PPM1D: variants seen among roughly 807,000 people sequenced by gnomAD.
The protein encoded by PPM1D is protein phosphatase 1D.
In PPM1D, 52 loss-of-function variants were observed where a neutral mutation model predicts 58.3. The ratio of observed to expected loss-of-function variants is 0.89; its 90% confidence interval spans 0.71 to 1.12. The LOEUF is 1.12. PPM1D is among the 50% of genes most tolerant of loss of function. PPM1D has a pLI of 0.00. For missense variants in PPM1D, 564 were observed against 777.2 expected (o/e 0.73, Z 3.26); for synonymous variants, 278 against 285.1 (o/e 0.98, Z 0.25).
intron 1 of PPM1D, among the ~76,000 whole-genome samples, chr17:60,613,900 C>T (rs1269038293): frequency 1.5e-5 from 2 of 136,188 alleles, no homozygotes; most frequent in African/African-American, 2.7e-5. Context: ...GCCCCCCCCC[C>T]GCCACCCCCC....
rs116268471 is a variant in PPM1D at position 60,600,219 on chromosome 17, T to C, written c.-196T>C. ...GTGCGCAGGCGCAACTGCCTGGCTC[T>C]GCTCGCTCCGGCGCTCCGGCCCAGC... is the stretch of plus-strand genomic sequence containing the variant. On this transcript the variant is annotated 5_prime_UTR_variant, in exon 1 of 6. Coordinates refer to ENST00000305921, the MANE Select transcript of PPM1D (RefSeq NM_003620.4). The C allele has an allele frequency of 9.9e-3, 11,279 of 1,135,100 alleles. 903 individuals carry two copies. The African/African-American group carries it at 0.16, about 16-fold the overall frequency. The allele number at this position is 1,135,100 out of a possible 1,614,324, so 70.3% of individuals were successfully genotyped here.
intron 3 of PPM1D, among the ~76,000 whole-genome samples, chr17:60,642,117 G>T (rs779857569): frequency 6.6e-6 from 1 of 152,166 alleles, no homozygotes; most frequent in Non-Finnish European, 1.5e-5. Context: ...CCAGTTATTT[G>T]ATATTAGATA....
At position 60,661,138 on chromosome 17, in the gene PPM1D, G is replaced by A. The variant is rs146312606; in HGVS notation, c.1261-1857G>A. On this transcript the variant is annotated intron_variant, in intron 5 of 5. Transcript: ENST00000305921. ...GGAGGCTGAGGCAGGAGAATCCCTT[G>A]AACCTGGGAGGCAGAGGTTGTGGTG... Among the ~76,000 whole-genome samples, 272 of 145,420 alleles carry A rather than the reference G, an allele frequency of 1.9e-3. 1 individual carries two copies. Among genetic ancestry groups the A allele is most frequent in the African/African-American group, 6.8e-3 (262 of 38,424 alleles).
chr17:60,628,188 A>G (rs1398548410), intron 2 of PPM1D, among the ~76,000 whole-genome samples: 1 of 152,242 alleles, frequency 6.6e-6, no homozygotes, highest in Non-Finnish European at 1.5e-5. Context: ...ATAATTTAAA[A>G]AAATTAATGA....
chr17:60,600,819 G>A lies in PPM1D; in HGVS notation c.405G>A (p.Pro135=), dbSNP rs1158574379. The A allele has an allele frequency of 3.7e-6, 6 of 1,612,934 alleles. No homozygotes were observed. The highest frequency in any genetic ancestry group is 5.1e-6 in the Non-Finnish European group (6 of 1,180,014). ...AGAAGGGTTTCACCTCGTCCGAGCCGGCTAAGGTTTGCGCTGCCATCCGCA... is the reference window on the plus strand; with the variant it reads ...AGAAGGGTTTCACCTCGTCCGAGCCAGCTAAGGTTTGCGCTGCCATCCGCA... ...KKQKGFTSSE[P]AKVCAAIRKG... is the part of the protein sequence containing the mutation. Residue 135 remains proline (P), a synonymous_variant, in exon 1 of 6, where the codon CCG becomes CCA. Transcript: ENST00000305921.
chr17:60,630,997 T>G (rs1024144513), intron 2 of PPM1D, among the ~76,000 whole-genome samples: 1 of 152,250 alleles, frequency 6.6e-6, no homozygotes, highest in Non-Finnish European at 1.5e-5. Context: ...AATGAATGCC[T>G]TTGATATTTT....
At chr17:60,631,933 C>T (rs1290447151) in intron 2 of PPM1D, among the ~76,000 whole-genome samples, 28 of 152,050 alleles carry the variant, frequency 1.8e-4, no homozygotes, top group Admixed American at 1.8e-3. Context: ...AATCCCAGCA[C>T]TTTGGGAGGC....
At chr17:60,605,158 T>C (rs1375041133) in intron 1 of PPM1D, among the ~76,000 whole-genome samples, 1 of 152,186 alleles carries the variant, frequency 6.6e-6, no homozygotes, top group Admixed American at 6.6e-5. Flanking sequence ...TGTAATTAGG[T>C]AGCTGTGAAG....
At chr17:60,632,206 A>C (rs901838577) in intron 2 of PPM1D, among the ~76,000 whole-genome samples, 2 of 151,742 alleles carry the variant, frequency 1.3e-5, no homozygotes, top group Non-Finnish European at 1.5e-5. Flanking sequence ...AAACAAAAAA[A>C]AAAACCTAAT....
intron 4 of PPM1D, among the ~76,000 whole-genome samples, chr17:60,654,516 A>G (rs1357876326): frequency 6.7e-6 from 1 of 149,298 alleles, no homozygotes; most frequent in Non-Finnish European, 1.5e-5. Context: ...AAAACAACAA[A>G]CAAAATTTTC....
rs1319578074 is a variant in PPM1D, at chr17:60,665,308, C to T, written c.*1756C>T. The T allele has an allele frequency of 6.6e-6, 1 of 152,092 alleles. No individual in the cohort carries two copies. The highest frequency in any genetic ancestry group is 1.5e-5 in the Non-Finnish European group (1 of 68,032). 9.4% of individuals were successfully genotyped at this position (152,092 alleles called of 1,614,324 possible). A position where few individuals can be genotyped will look rare whatever the true frequency, so the allele number is the denominator to read the frequency against. On this transcript the variant is annotated 3_prime_UTR_variant, in exon 6 of 6. Coordinates refer to ENST00000305921, the MANE Select transcript of PPM1D (RefSeq NM_003620.4). ...TCAATGTATTTCTTACATTTCAGTT[C>T]AAGTGATTTTCATGTCTCAGCCTCC...
At chr17:60,640,181 C>T (rs538644008) in intron 3 of PPM1D, among the ~76,000 whole-genome samples, 2 of 152,038 alleles carry the variant, frequency 1.3e-5, no homozygotes, top group Admixed American at 6.5e-5. Context: ...CGTGGTTGCA[C>T]GCGCTTGTAG....
chr17:60,624,749 G>C (rs528526767), intron 2 of PPM1D, among the ~76,000 whole-genome samples: 2 of 152,228 alleles, frequency 1.3e-5, no homozygotes, highest in Admixed American at 1.3e-4. Flanking sequence ...TTGCACCATT[G>C]CACTCCAGCC....
intron 1 of PPM1D, among the ~76,000 whole-genome samples, chr17:60,620,757 T>C (rs542869855): frequency 2.0e-3 from 302 of 152,052 alleles, no homozygotes; most frequent in Middle Eastern, 3.4e-3. Context: ...GTCCACCCAC[T>C]TTGGCTTTCC....
Position 60,600,720 on chromosome 17 carries a change from C to G in PPM1D, c.306C>G (p.Ala102=). 1 of 1,608,566 alleles carries G rather than the reference C, an allele frequency of 6.2e-7. No individual in the cohort carries two copies. Among genetic ancestry groups the G allele is most frequent in the Non-Finnish European group, 8.5e-7 (1 of 1,178,336 alleles). The change falls in exon 1 of 6, where the codon GCC becomes GCG. Residue 102 remains alanine, a synonymous_variant. Coordinates refer to ENST00000305921, the MANE Select transcript of PPM1D (RefSeq NM_003620.4). The part of the protein sequence containing the change: ...CRRRSSVAFF[A]VCDGHGGREA... ...GCCGTTCCTCCGTGGCCTTTTTCGC[C>G]GTGTGCGACGGGCACGGCGGGCGGG...
chr17:60,645,959 A>G (rs1233559336), intron 3 of PPM1D, among the ~76,000 whole-genome samples: 1 of 151,988 alleles, frequency 6.6e-6, no homozygotes, highest in East Asian at 1.9e-4. Context: ...CCTGGACAAC[A>G]TAGTGGGACC....
intron 5 of PPM1D, among the ~76,000 whole-genome samples, chr17:60,661,341 T>A (rs1046849328): frequency 1.6e-4 from 24 of 150,848 alleles, no homozygotes; most frequent in African/African-American, 5.2e-4. Flanking sequence ...CTATTAATAT[T>A]TTGATACATT....
rs1372337262 is a variant in PPM1D, at chr17:60,623,699, T to C, written c.651T>C (p.His217=). ...GAGCTGTGGAGGTGACACAGGACCA[T>C]AAGCCAGAACTTCCCAAGGAAAGAG... ...FVRAVEVTQD[H]KPELPKERER... is the part of the protein sequence containing the mutation. The change falls in exon 2 of 6, where the codon CAT becomes CAC. Residue 217 remains histidine (H), a synonymous_variant. Transcript: ENST00000305921. The C allele has an allele frequency of 1.9e-6, 3 of 1,614,078 alleles. No homozygotes were observed. The highest frequency in any genetic ancestry group is 2.5e-6 in the Non-Finnish European group (3 of 1,180,044).
intron 4 of PPM1D, among the ~76,000 whole-genome samples, chr17:60,655,501 ACC>A: frequency 6.6e-6 from 1 of 151,514 alleles, no homozygotes. Flanking sequence ...GGCACACACC[ACC>A]ATGCCTGACT....
Sources: gnomAD v4.1 joint callset for allele counts (sites outside exome capture counted in the v4.1 genomes callset) on GRCh38, gnomAD v4.1.1 for gene constraint, MANE v1.5 for transcripts, NCBI Gene and HGNC (gene_info 2026-07-23, HGNC 2026-07-21) for gene names.